Variants in UGT1A7 observed in about 807,000 individuals in gnomAD.
The protein encoded by UGT1A7 is UDP-glucuronosyltransferase 1A7.
In UGT1A7, 33 loss-of-function variants were observed where a neutral mutation model predicts 45.6. The observed-to-expected ratio is 0.72, with a 90% CI of 0.55 to 0.97. The LOEUF (loss-of-function observed/expected upper bound fraction) is 0.97. UGT1A7 is among the 50% of genes least tolerant of loss of function. The pLI is 0.00. For missense variants in UGT1A7, 684 were observed against 666.2 expected (o/e 1.03, Z -0.29); for synonymous variants, 274 against 250.6 (o/e 1.09, Z -0.88).
Position 233,772,406 on chromosome 2 carries a change from G to A in UGT1A7, c.1440G>A (p.Trp480Ter), listed in dbSNP as rs866632307. Residue 480 changes from tryptophan to a stop codon, truncating the protein, a stop_gained, in exon 5 of 5, where the codon TGG (tryptophan) becomes TGA (stop). Transcript: ENST00000373426. LOFTEE classifies it high-confidence loss of function. ...GCCCCGCAGCCCACGACCTCACCTGGTACCAGTACCATTCCTTGGACGTGA... is the reference window on the plus strand; with the variant it reads ...GCCCCGCAGCCCACGACCTCACCTGATACCAGTACCATTCCTTGGACGTGA... The part of the protein sequence containing the change: ...HLRPAAHDLT[W>*]YQYHSLDVIG... 1 of 1,614,238 alleles carries A rather than the reference G, an allele frequency of 6.2e-7. No homozygotes were observed. Among genetic ancestry groups the A allele is most frequent in the Middle Eastern group, 1.6e-4 (1 of 6,062 alleles).
At chr2:233,734,911 G>C (rs1486210050) in intron 1 of UGT1A7, among the ~76,000 whole-genome samples, 1 of 152,162 alleles carries the variant, frequency 6.6e-6, no homozygotes, top group African/African-American at 2.4e-5. Context: ...TTTTACATTT[G>C]CTAAGGAGTG....
At chr2:233,704,157 C>G (rs772376683) in intron 1 of UGT1A7, among the ~76,000 whole-genome samples, 50 of 151,974 alleles carry the variant, frequency 3.3e-4, no homozygotes, top group Non-Finnish European at 5.0e-4. Flanking sequence ...TTTCAAAGTA[C>G]TGGGATTACA....
intron 1 of UGT1A7, among the ~76,000 whole-genome samples, chr2:233,718,336 A>G (rs1383630356): frequency 6.6e-6 from 1 of 152,212 alleles, no homozygotes; most frequent in East Asian, 1.9e-4. Context: ...GCAATGTTGT[A>G]TGTCTTTTGG....
rs537688236 is a variant in UGT1A7, at chr2:233,769,340, T to A, written c.1295+901T>A. On this transcript the variant is annotated intron_variant, in intron 4 of 4. Coordinates refer to ENST00000373426, the MANE Select transcript of UGT1A7 (RefSeq NM_019077.3). This position sits in a 1 kb window ranked among gnomAD's most constrained non-coding sequence, Gnocchi z 4.4. ...CACTGGTAATAGGCTTATTAGAACC[T>A]TATGGGAAGAAGTGGTGGCCAGTGG... Among the ~76,000 whole-genome samples the A allele has an allele frequency of 9.2e-5, 14 of 152,346 alleles. No individual in the cohort carries two copies. The highest frequency in any genetic ancestry group is 3.4e-4 in the African/African-American group (14 of 41,584).
rs1692776441 is a variant in UGT1A7 at position 233,744,329 on chromosome 2, T to A, written c.856-22705T>A. ...AGGGAAGAGGGTGGTGGGAGTGAGT[T>A]TAGTCTGACTGGGGCTGAAGACATC... On this transcript the variant is annotated intron_variant, in intron 1 of 4. Transcript: ENST00000373426. 1.3e-5 allele frequency among the ~76,000 whole-genome samples: 2 copies of A among 151,824 alleles called. 1 individual carries two copies. The highest frequency in any genetic ancestry group is 4.9e-5 in the African/African-American group (2 of 41,084).
intron 1 of UGT1A7, chr2:233,761,074 G>C (rs1315793944): frequency 1.2e-6 from 2 of 1,614,148 alleles, no homozygotes; most frequent in Admixed American, 1.7e-5. Context: ...CTTTGTGAAG[G>C]ATTACCCTAG....
chr2:233,729,934 A>G (rs45449995), intron 1 of UGT1A7: 47,426 of 1,614,076 alleles, frequency 0.029, 771 homozygotes, highest in African/African-American at 0.049. Context: ...CAGGCCAATC[A>G]TGCCCAACAT....
chr2:233,697,011 C>T (rs1017901649), intron 1 of UGT1A7, among the ~76,000 whole-genome samples: 2 of 151,922 alleles, frequency 1.3e-5, no homozygotes, highest in African/African-American at 2.4e-5. Context: ...CATCTATGTT[C>T]GTCAGAGATA....
At chr2:233,696,744 T>C (rs1490233452) in intron 1 of UGT1A7, among the ~76,000 whole-genome samples, 1 of 152,200 alleles carries the variant, frequency 6.6e-6, no homozygotes, top group African/African-American at 2.4e-5. Context: ...CTTTTCAGTA[T>C]GATGTTAGCT....
intron 1 of UGT1A7, 110 bp downstream of exon 1, chr2:233,682,902 T>C: frequency 6.7e-7 from 1 of 1,503,334 alleles, no homozygotes; most frequent in Non-Finnish European, 8.8e-7. Flanking sequence ...GGAATTTCTT[T>C]CTGGTTTAAG....
intron 1 of UGT1A7, among the ~76,000 whole-genome samples, chr2:233,685,021 G>A (rs1484971978): frequency 6.6e-6 from 1 of 152,164 alleles, no homozygotes; most frequent in African/African-American, 2.4e-5. Flanking sequence ...GTATGTGTCT[G>A]TATGTGCAGG....
chr2:233,714,908 G>A (rs149876180), intron 1 of UGT1A7, among the ~76,000 whole-genome samples: 2,802 of 146,068 alleles, frequency 0.019, 40 homozygotes, highest in South Asian at 0.029. Context: ...ATGGAGTCTT[G>A]CTCTGTCACC....
Position 233,769,698 on chromosome 2 carries a change from G to A in UGT1A7, c.1295+1259G>A. The A allele has an allele frequency of 6.5e-7, 1 of 1,529,982 alleles. No individual in the cohort carries two copies. Among genetic ancestry groups the A allele is most frequent in the Non-Finnish European group, 8.8e-7 (1 of 1,137,522 alleles). 94.8% of individuals were successfully genotyped at this position (1,529,982 alleles called of 1,614,324 possible). On this transcript the variant is annotated intron_variant, in intron 4 of 4. Coordinates refer to ENST00000373426, the MANE Select transcript of UGT1A7 (RefSeq NM_019077.3). The surrounding 1 kb of genome is among the most constrained non-coding windows in gnomAD (Gnocchi z 4.4). ...GTGTGTGTGGTGGCACTGGATAAAAGATCAATGTTGGCTAGGCACCATGGC... is the reference window on the plus strand; with the variant it reads ...GTGTGTGTGGTGGCACTGGATAAAAAATCAATGTTGGCTAGGCACCATGGC...
At chr2:233,688,516 G>A (rs28898573) in intron 1 of UGT1A7, among the ~76,000 whole-genome samples, 4,464 of 152,024 alleles carry the variant, frequency 0.029, 207 homozygotes, top group African/African-American at 0.1. Context: ...AGTGAAATGC[G>A]CCTAGAGTGG....
At chr2:233,713,379 G>A in intron 1 of UGT1A7, 1 of 1,614,156 alleles carries the variant, frequency 6.2e-7, no homozygotes, top group Non-Finnish European at 8.5e-7. Flanking sequence ...GTCTTGTGTG[G>A]AGCTACTGCA....
rs2075034938 is a variant in UGT1A7 at position 233,691,264 on chromosome 2, C to T, written c.855+8472C>T. 1.3e-5 allele frequency: 13 copies of T among 985,552 alleles called. No homozygotes were observed. The South Asian group carries it at 5.6e-4, about 43-fold the overall frequency. 61.1% of individuals were successfully genotyped at this position (985,552 alleles called of 1,614,324 possible). Reference sequence around the variant, plus strand: ...TAGATGAACTCAAAGCAAGATGCTGCCGCCCCCATGACTTTGATCATTGTA... The same window carrying T: ...TAGATGAACTCAAAGCAAGATGCTGTCGCCCCCATGACTTTGATCATTGTA... On this transcript the variant is annotated intron_variant, in intron 1 of 4. Coordinates refer to ENST00000373426, the MANE Select transcript of UGT1A7 (RefSeq NM_019077.3).
chr2:233,722,534 T>C (rs2077021206), intron 1 of UGT1A7, among the ~76,000 whole-genome samples: 1 of 152,230 alleles, frequency 6.6e-6, no homozygotes, highest in Admixed American at 6.5e-5. Context: ...CTTAATGATT[T>C]CATCCTAGTT....
intron 1 of UGT1A7, chr2:233,713,349 A>G (rs774630378): frequency 5.5e-5 from 88 of 1,614,072 alleles, no homozygotes; most frequent in East Asian, 4.5e-5. Context: ...TATGAACAAT[A>G]TGTCTTTGAT....
intron 1 of UGT1A7, among the ~76,000 whole-genome samples, chr2:233,761,771 C>A (rs1035405620): frequency 6.6e-6 from 1 of 152,236 alleles, no homozygotes; most frequent in East Asian, 1.9e-4. Context: ...GTAGCATTCA[C>A]ATCCTCATCG....
Sources: allele counts gnomAD v4.1 joint callset (sites outside exome capture counted in the v4.1 genomes callset), GRCh38; gene constraint gnomAD v4.1.1; non-coding constraint Gnocchi (gnomAD v3.1); transcripts MANE v1.5; gene names NCBI Gene and HGNC (gene_info 2026-07-23, HGNC 2026-07-21).